Variants in RAD21L1 observed in about 807,000 individuals in gnomAD.
RAD21L1 encodes double-strand-break repair protein rad21-like protein 1.
In RAD21L1, 47 loss-of-function variants were observed where a neutral mutation model predicts 69.0. The observed-to-expected ratio is 0.68, with a 90% CI of 0.54 to 0.87. The LOEUF is 0.87. Among genes scored for constraint, RAD21L1 ranks in the 40% least tolerant of loss-of-function variants. The pLI, the probability that RAD21L1 is intolerant of heterozygous loss-of-function variation, is 0.00. For missense variants in RAD21L1, 583 were observed against 647.6 expected (o/e 0.90, Z 1.08); for synonymous variants, 177 against 205.8 (o/e 0.86, Z 1.20).
In RAD21L1 at chr20:1,254,541, A is replaced by T; in HGVS notation, c.*84A>T. 2.1e-6 allele frequency: 2 copies of T among 936,328 alleles called. No homozygotes were observed. Among genetic ancestry groups the T allele is most frequent in the East Asian group, 2.9e-5 (1 of 34,974 alleles). The allele number at this position is 936,328 out of a possible 1,614,324, so 58.0% of individuals were successfully genotyped here. A position where few individuals can be genotyped will look rare whatever the true frequency, so the allele number is the denominator to read the frequency against. On this transcript the variant is annotated 3_prime_UTR_variant, in exon 14 of 14. Transcript: ENST00000683101. ...TTTAATGCAGAAGCCATCTGGAAGC[A>T]GCTGAAGGTCTGATCCATTTCATAG...
intron 12 of RAD21L1, 132 bp from the exon 13 acceptor site, chr20:1,248,494 T>G (rs2087761576): frequency 1.9e-6 from 1 of 518,156 alleles, no homozygotes; most frequent in Non-Finnish European, 3.5e-6. Context: ...ATAATAAAGA[T>G]TATAAGCTCT....
intron 13 of RAD21L1, among the ~76,000 whole-genome samples, chr20:1,252,446 A>G (rs1425126410): frequency 1.3e-5 from 2 of 152,134 alleles, no homozygotes; most frequent in Admixed American, 1.3e-4. Context: ...ACTGCCTAGG[A>G]GATATAAGCA....
At chr20:1,250,729 TCA>T (rs2122162497) in intron 13 of RAD21L1, among the ~76,000 whole-genome samples, 1 of 152,358 alleles carries the variant, frequency 6.6e-6, no homozygotes, top group South Asian at 2.1e-4. Context: ...TTTTATTTGC[TCA>T]GTGTCTATAA....
chr20:1,250,030 G>A (rs1373887721), intron 13 of RAD21L1, among the ~76,000 whole-genome samples: 3 of 129,160 alleles, frequency 2.3e-5, no homozygotes, highest in Non-Finnish European at 3.2e-5. Context: ...GACAGGCCCC[G>A]GTGTGTGTTG....
In RAD21L1 at chr20:1,241,386, A is replaced by C. The variant is rs142637154; in HGVS notation, c.856+952A>C. On this transcript the variant is annotated intron_variant, in intron 8 of 13. Transcript: ENST00000683101. ...TAGTAAGTATGAATCTAATATATCT[A>C]ATGTAACTACTAGTCTAATATAACT... Among the ~76,000 whole-genome samples, 12 of 152,376 alleles carry C rather than the reference A, an allele frequency of 7.9e-5. No individual in the cohort carries two copies. The East Asian group carries it at 2.3e-3, about 29-fold the overall frequency.
rs115863801 is a variant in RAD21L1, at chr20:1,250,390, C to T, written c.1479+1687C>T. Among the ~76,000 whole-genome samples, 171 of 151,856 alleles carry T rather than the reference C, an allele frequency of 1.1e-3. 1 individual carries two copies. Among genetic ancestry groups the T allele is most frequent in the African/African-American group, 3.8e-3 (158 of 41,424 alleles). On this transcript the variant is annotated intron_variant, in intron 13 of 13. Coordinates refer to ENST00000683101, the MANE Select transcript of RAD21L1 (RefSeq NM_001384355.1). ...TTTAGATTAGGTATAGCTCCTAATG[C>T]TATCCCTCCCGCTGTGTCCAAGTGT...
intron 2 of RAD21L1, 112 bp from the exon 3 acceptor site, chr20:1,229,768 C>A (rs1214140313): frequency 3.8e-6 from 3 of 784,866 alleles, no homozygotes; most frequent in East Asian, 2.7e-5. Context: ...ACTAAGAATA[C>A]AAAATATCTG....
At chr20:1,226,299 A>G (rs1384269312) in intron 1 of RAD21L1, 159 bp downstream of exon 1, 3 of 151,986 alleles carry the variant, frequency 2.0e-5, no homozygotes, top group African/African-American at 7.2e-5. Context: ...CTGAGGAAGA[A>G]AGGTCGTCGC....
chr20:1,248,789 G>A (rs571162318), intron 13 of RAD21L1, 86 bp downstream of exon 13: 61 of 758,658 alleles, frequency 8.0e-5, no homozygotes, highest in Non-Finnish European at 1.1e-4. Context: ...TAATGAAAAC[G>A]CAATAATTTT....
At chr20:1,229,572 C>G (rs565483740) in intron 2 of RAD21L1, among the ~76,000 whole-genome samples, 2 of 152,232 alleles carry the variant, frequency 1.3e-5, no homozygotes, top group African/African-American at 4.8e-5. Context: ...AACTGAAGTT[C>G]AGGAAGGTTA....
intron 11 of RAD21L1, among the ~76,000 whole-genome samples, chr20:1,244,942 T>A (rs1248713500): frequency 6.6e-6 from 1 of 152,210 alleles, no homozygotes; most frequent in Admixed American, 6.5e-5. Flanking sequence ...AAATATTTGA[T>A]AATATACTGG....
intron 6 of RAD21L1, 134 bp downstream of exon 6, chr20:1,238,348 C>A: frequency 1.7e-6 from 1 of 575,410 alleles, no homozygotes; most frequent in Non-Finnish European, 2.7e-6. Context: ...TTTTTTTATA[C>A]AAGTTTTCAA....
At chr20:1,240,745 C>T (rs894104250) in intron 8 of RAD21L1, among the ~76,000 whole-genome samples, 4 of 152,064 alleles carry the variant, frequency 2.6e-5, no homozygotes, top group South Asian at 2.1e-4. Flanking sequence ...ATGGCAACAC[C>T]GGGAATTCAC....
chr20:1,235,687 A>C (rs1358233606), intron 5 of RAD21L1, among the ~76,000 whole-genome samples: 2 of 152,094 alleles, frequency 1.3e-5, no homozygotes, highest in Non-Finnish European at 2.9e-5. Context: ...ACACATTGGC[A>C]AAGAGGTAAT....
At chr20:1,248,414 C>A (rs903912439) in intron 12 of RAD21L1, among the ~76,000 whole-genome samples, 4 of 152,012 alleles carry the variant, frequency 2.6e-5, no homozygotes, top group Non-Finnish European at 4.4e-5. Context: ...TCAGAAGAGA[C>A]CCTGGAGAGT....
rs1459879800 is a variant in RAD21L1 at position 1,249,352 on chromosome 20, T to C, written c.1479+649T>C. On this transcript the variant is annotated intron_variant, in intron 13 of 13. Transcript: ENST00000683101. ...TACTTTTAGCATAGTGTTATGTGTT[T>C]ACAGTGTTATATTTGTAATAGTTAT... 2.0e-5 allele frequency among the ~76,000 whole-genome samples: 3 copies of C among 152,338 alleles called. No individual in the cohort carries two copies. The East Asian group carries it at 5.8e-4, about 29-fold the overall frequency.
intron 13 of RAD21L1, among the ~76,000 whole-genome samples, chr20:1,252,867 A>G (rs1185981923): frequency 6.6e-6 from 1 of 152,140 alleles, no homozygotes; most frequent in East Asian, 1.9e-4. Flanking sequence ...TATGTCTTCC[A>G]CTTTCTTTGT....
At chr20:1,250,083 C>T (rs2087797193) in intron 13 of RAD21L1, among the ~76,000 whole-genome samples, 1 of 149,812 alleles carries the variant, frequency 6.7e-6, no homozygotes, top group African/African-American at 2.4e-5. Context: ...TCAATTCCCA[C>T]CTACGAGTGA....
intron 13 of RAD21L1, among the ~76,000 whole-genome samples, chr20:1,251,914 A>G (rs577409570): frequency 3.2e-4 from 48 of 152,304 alleles, no homozygotes; most frequent in African/African-American, 1.1e-3. Flanking sequence ...TATGCATTAT[A>G]TAAGTCTTGA....
Sources: allele counts gnomAD v4.1 joint callset (sites outside exome capture counted in the v4.1 genomes callset), GRCh38; gene constraint gnomAD v4.1.1; transcripts MANE v1.5; gene names NCBI Gene and HGNC (gene_info 2026-07-23, HGNC 2026-07-21).